Variants in EIF2B3 observed in about 807,000 individuals in gnomAD.
EIF2B3 encodes translation initiation factor eIF2B subunit gamma.
A neutral mutation model predicts 54.1 loss-of-function variants in EIF2B3; 20 were observed. That is an observed-to-expected ratio of 0.37 (90% CI 0.26 to 0.54). The LOEUF is 0.54. EIF2B3 is among the 20% of genes least tolerant of loss of function. The pLI, the probability that EIF2B3 is intolerant of heterozygous loss-of-function variation, is 0.86. For missense variants in EIF2B3, 448 were observed against 547.8 expected, an observed-to-expected ratio of 0.82 and a Z score of 1.82; for synonymous variants, 153 against 188.1, an observed-to-expected ratio of 0.81 and a Z score of 1.52.
chr1:44,881,513 CT>C lies in EIF2B3; in HGVS notation c.784+98del. On this transcript the variant is annotated intron_variant, in intron 7 of 11. Coordinates refer to ENST00000360403, the MANE Select transcript of EIF2B3 (RefSeq NM_020365.5). The surrounding 1 kb of genome is among the most constrained non-coding windows in gnomAD (Gnocchi z 4.0). Reference sequence around the variant, plus strand: ...TCGTAGGCTAGAAATAGTCTGCTGCCTTGAGTCAGGCATCTTGGGCTGGGCT... The same window carrying C: ...TCGTAGGCTAGAAATAGTCTGCTGCCTGAGTCAGGCATCTTGGGCTGGGCT... 6.6e-7 allele frequency: 1 copy of C among 1,508,180 alleles called. No individual in the cohort carries two copies. The highest frequency in any genetic ancestry group is 9.1e-7 in the Non-Finnish European group (1 of 1,093,194). 93.4% of individuals were successfully genotyped at this position (1,508,180 alleles called of 1,614,324 possible).
intron 3 of EIF2B3, among the ~76,000 whole-genome samples, chr1:44,954,251 T>G (rs923892568): frequency 6.6e-6 from 1 of 152,214 alleles, no homozygotes; most frequent in African/African-American, 2.4e-5. Context: ...ATATGAAATT[T>G]AAAGTAGTTT....
intron 4 of EIF2B3, chr1:44,940,640 A>G (rs1420641380): frequency 1.3e-5 from 2 of 152,960 alleles, no homozygotes; most frequent in South Asian, 2.0e-4. Context: ...GTGTGGTGGC[A>G]TGTGCATGTA....
intron 3 of EIF2B3, among the ~76,000 whole-genome samples, chr1:44,966,438 C>CAAAAAAA (rs60200568): frequency 2.3e-5 from 2 of 85,960 alleles, no homozygotes; most frequent in African/African-American, 4.5e-5. Flanking sequence ...GACTCTGTCT[C>CAAAAAAA]AAAAAAAAAA....
chr1:44,974,830 A>G (rs775195306), intron 3 of EIF2B3, among the ~76,000 whole-genome samples: 16 of 152,222 alleles, frequency 1.1e-4, no homozygotes, highest in Non-Finnish European at 1.6e-4. Context: ...TTCTATGTAC[A>G]AGCAATAAAC....
chr1:44,881,781 TGG>T lies in EIF2B3; in HGVS notation c.657-44_657-43del. ...GCCAAATATGAGAAACCTGACTGTC[TGG>T]AACATACCCGGATCAAAAGCTCTGT... is the stretch of plus-strand genomic sequence containing the variant. On this transcript the variant is annotated intron_variant, in intron 6 of 11. Transcript: ENST00000360403. The surrounding 1 kb of genome is among the most constrained non-coding windows in gnomAD (Gnocchi z 4.0). The T allele has an allele frequency of 6.2e-7, 1 of 1,610,104 alleles. No individual in the cohort carries two copies. Among genetic ancestry groups the T allele is most frequent in the Non-Finnish European group, 8.5e-7 (1 of 1,177,640 alleles).
intron 10 of EIF2B3, among the ~76,000 whole-genome samples, chr1:44,858,903 T>A (rs1202692180): frequency 1.3e-5 from 2 of 152,190 alleles, no homozygotes; most frequent in African/African-American, 4.8e-5. Flanking sequence ...TAAAAAGGAT[T>A]TTTTAAAAGC....
intron 5 of EIF2B3, among the ~76,000 whole-genome samples, chr1:44,914,751 C>T (rs1360739220): frequency 6.6e-6 from 1 of 151,672 alleles, no homozygotes; most frequent in Non-Finnish European, 1.5e-5. Context: ...TGCAGTAGCA[C>T]GGTCTTGGCT....
At chr1:44,946,281 AGAATGCACCAT>A (rs1644101173) in intron 3 of EIF2B3, among the ~76,000 whole-genome samples, 1 of 152,164 alleles carries the variant, frequency 6.6e-6, no homozygotes, top group Non-Finnish European at 1.5e-5. Context: ...CTGTTCCCAG[AGAATGCACCAT>A]GTAAGAGTCA....
chr1:44,932,116 AAC>A (rs59619203), intron 4 of EIF2B3, among the ~76,000 whole-genome samples: 104 of 147,500 alleles, frequency 7.1e-4, no homozygotes, highest in South Asian at 2.1e-3. Context: ...TCTCAAAACG[AAC>A]ACACACACAC....
rs58626731 is a variant in EIF2B3, at chr1:44,922,591, C to CAAAA, written c.566+4033_566+4036dup. Among the ~76,000 whole-genome samples the CAAAA allele has an allele frequency of 4.9e-3, 432 of 87,522 alleles. 2 individuals are homozygous for CAAAA. Among genetic ancestry groups the CAAAA allele is most frequent in the Non-Finnish European group, 7.5e-3 (327 of 43,618 alleles). 57.4% of individuals were successfully genotyped at this position (87,522 alleles called of 152,430 possible). A position where few individuals can be genotyped will look rare whatever the true frequency, so the allele number is the denominator to read the frequency against. ...TATAGAGCGAGACTCTGTCTCAAGACAAAAAAAAAAAAAAAAAAATCTGCA... is the reference window on the plus strand; with the variant it reads ...TATAGAGCGAGACTCTGTCTCAAGACAAAAAAAAAAAAAAAAAAAAAAATCTGCA... On this transcript the variant is annotated intron_variant, in intron 5 of 11. Coordinates refer to ENST00000360403, the MANE Select transcript of EIF2B3 (RefSeq NM_020365.5).
intron 2 of EIF2B3, 28 bp from the exon 3 acceptor site, chr1:44,978,488 A>G (rs1339226113): frequency 2.6e-5 from 42 of 1,607,450 alleles, no homozygotes; most frequent in Non-Finnish European, 3.5e-5. Flanking sequence ...AAAAGAAAGA[A>G]AAACAAAAAC....
At chr1:44,947,652 G>C (rs564634740) in intron 3 of EIF2B3, among the ~76,000 whole-genome samples, 27 of 152,056 alleles carry the variant, frequency 1.8e-4, no homozygotes, top group Admixed American at 3.3e-4. Flanking sequence ...TACTCCCTTG[G>C]AAAAAAACTG....
intron 3 of EIF2B3, among the ~76,000 whole-genome samples, chr1:44,967,729 ATG>A (rs1644357898): frequency 8.6e-6 from 1 of 116,302 alleles, no homozygotes. Flanking sequence ...ACAGAGTGAG[ATG>A]CTGTCTTCAA....
chr1:44,945,033 G>A (rs1644081550), intron 3 of EIF2B3, among the ~76,000 whole-genome samples: 1 of 152,068 alleles, frequency 6.6e-6, no homozygotes, highest in Admixed American at 6.6e-5. Flanking sequence ...CTCAGAAAGT[G>A]AGACTCAACC....
intron 5 of EIF2B3, among the ~76,000 whole-genome samples, chr1:44,905,615 T>G (rs1569678216): frequency 1.3e-5 from 2 of 152,328 alleles, no homozygotes; most frequent in South Asian, 4.1e-4. Context: ...GAACTTGTTC[T>G]GTGTTATTTG....
At chr1:44,973,807 A>G (rs1644426699) in intron 3 of EIF2B3, among the ~76,000 whole-genome samples, 1 of 152,194 alleles carries the variant, frequency 6.6e-6, no homozygotes, top group Non-Finnish European at 1.5e-5. Flanking sequence ...GCCATGGGCT[A>G]GGAGGAGGGG....
intron 2 of EIF2B3, among the ~76,000 whole-genome samples, chr1:44,978,892 C>G (rs1644483000): frequency 6.6e-6 from 1 of 151,650 alleles, no homozygotes; most frequent in Non-Finnish European, 1.5e-5. Context: ...CAGCCTTGGC[C>G]TCCCCAAGTG....
intron 10 of EIF2B3, among the ~76,000 whole-genome samples, chr1:44,873,061 T>C (rs1461752610): frequency 6.6e-6 from 1 of 152,206 alleles, no homozygotes; most frequent in African/African-American, 2.4e-5. Flanking sequence ...TGGAATAATT[T>C]ACACCACAGA....
At chr1:44,978,217 C>T (rs1305478758) in intron 3 of EIF2B3, 98 bp downstream of exon 3, 170 of 1,409,584 alleles carry the variant, frequency 1.2e-4, no homozygotes, top group East Asian at 1.2e-4. Flanking sequence ...GGTGACAGAG[C>T]GAGGTTCTGT....
Sources: allele counts gnomAD v4.1 joint callset (sites outside exome capture counted in the v4.1 genomes callset), GRCh38; gene constraint gnomAD v4.1.1; non-coding constraint Gnocchi (gnomAD v3.1); transcripts MANE v1.5; gene names NCBI Gene and HGNC (gene_info 2026-07-23, HGNC 2026-07-21).